The following KCNQ5 variants were observed in gnomAD, a reference collection of about 807,000 sequenced individuals.
KCNQ5 encodes potassium voltage-gated channel subfamily KQT member 5.
In KCNQ5, 30 loss-of-function variants were observed where a neutral mutation model predicts 98.2. The ratio of observed to expected loss-of-function variants is 0.31; its 90% CI spans 0.23 to 0.41. KCNQ5 has a LOEUF of 0.41. Ranked by LOEUF, KCNQ5 falls within the 10% of genes least tolerant of loss-of-function variation. The pLI is 1.00. For missense variants in KCNQ5, 835 were observed against 1,182.5 expected (o/e 0.71, Z 4.31); for synonymous variants, 458 against 449.4 (o/e 1.02, Z -0.24).
intron 5 of KCNQ5, among the ~76,000 whole-genome samples, chr6:73,102,814 T>A (rs1774843188): frequency 6.6e-6 from 1 of 152,028 alleles, no homozygotes; most frequent in African/African-American, 2.4e-5. Flanking sequence ...CTGGCAAGGA[T>A]TTGGAGAAAA....
At chr6:72,857,278 T>G (rs1375547574) in intron 1 of KCNQ5, among the ~76,000 whole-genome samples, 1 of 152,254 alleles carries the variant, frequency 6.6e-6, no homozygotes, top group Non-Finnish European at 1.5e-5. Context: ...TTATTCTTTT[T>G]TTTCATTTCC....
At chr6:72,756,726 T>G (rs1771989336) in intron 1 of KCNQ5, among the ~76,000 whole-genome samples, 1 of 152,034 alleles carries the variant, frequency 6.6e-6, no homozygotes, top group South Asian at 2.1e-4. Flanking sequence ...TAAATTTCTA[T>G]TTATTACATT....
chr6:72,959,079 A>G (rs1159272783), intron 1 of KCNQ5, among the ~76,000 whole-genome samples: 1 of 152,222 alleles, frequency 6.6e-6, no homozygotes, highest in Non-Finnish European at 1.5e-5. Context: ...TCTCGAAAAT[A>G]TGAACTTTAA....
intron 1 of KCNQ5, among the ~76,000 whole-genome samples, chr6:72,907,344 A>G (rs763190772): frequency 4.6e-5 from 7 of 152,310 alleles, no homozygotes; most frequent in Admixed American, 1.3e-4. Context: ...ATAAAAGTCC[A>G]TCTTCAAATT....
At chr6:72,764,608 A>G (rs1772470145) in intron 1 of KCNQ5, among the ~76,000 whole-genome samples, 1 of 152,024 alleles carries the variant, frequency 6.6e-6, no homozygotes, top group South Asian at 2.1e-4. Context: ...ATTGGGTTGC[A>G]AACAATCCAG....
intron 1 of KCNQ5, among the ~76,000 whole-genome samples, chr6:72,623,144 C>T (rs1421305243): frequency 2.0e-5 from 3 of 152,146 alleles, no homozygotes; most frequent in South Asian, 2.1e-4. Context: ...CGCCACCACC[C>T]AGCCACCACC....
chr6:72,844,580 C>T (rs1222223984), intron 1 of KCNQ5, among the ~76,000 whole-genome samples: 1 of 152,156 alleles, frequency 6.6e-6, no homozygotes, highest in East Asian at 1.9e-4. Context: ...GTAATGCATA[C>T]CCAAACTTAA....
At position 72,707,994 on chromosome 6, in the gene KCNQ5, G is replaced by A. The variant is rs149060439; in HGVS notation, c.398+85407G>A. ...CCACTGCCTCAAGCCAGAATGTCTT[G>A]ATGAAATCTGAATTAAAAAGATTTT... On this transcript the variant is annotated intron_variant, in intron 1 of 13. Coordinates refer to ENST00000370398, the MANE Select transcript of KCNQ5 (RefSeq NM_019842.4). Among the ~76,000 whole-genome samples, 232 of 152,238 alleles carry A rather than the reference G, an allele frequency of 1.5e-3. 1 individual carries two copies. Among genetic ancestry groups the A allele is most frequent in the African/African-American group, 5.1e-3 (211 of 41,562 alleles).
chr6:73,142,232 AG>A (rs1281453029), intron 10 of KCNQ5, among the ~76,000 whole-genome samples: 91 of 149,032 alleles, frequency 6.1e-4, no homozygotes, highest in African/African-American at 2.1e-3. Context: ...AACCCTGTAC[AG>A]TGTAGGCAGG....
At chr6:72,831,306 A>G (rs1220548300) in intron 1 of KCNQ5, among the ~76,000 whole-genome samples, 3 of 152,220 alleles carry the variant, frequency 2.0e-5, no homozygotes, top group Admixed American at 1.3e-4. Context: ...ACTATTCACA[A>G]TAGCAAAGAC....
At chr6:73,187,763 A>G (rs1765431357) in intron 11 of KCNQ5, among the ~76,000 whole-genome samples, 1 of 152,242 alleles carries the variant, frequency 6.6e-6, no homozygotes, top group Non-Finnish European at 1.5e-5. Context: ...GTAAGTAAAA[A>G]TGAAATTATT....
At chr6:72,626,126 A>G (rs1163610887) in intron 1 of KCNQ5, among the ~76,000 whole-genome samples, 1 of 152,262 alleles carries the variant, frequency 6.6e-6, no homozygotes. Context: ...GAAGGAAAAG[A>G]CGCCAGCAAG....
intron 1 of KCNQ5, among the ~76,000 whole-genome samples, chr6:72,634,691 G>A (rs11968093): frequency 0.013 from 1,929 of 151,976 alleles, 48 homozygotes; most frequent in African/African-American, 0.044. Context: ...TCAGCCTCCC[G>A]AGTAGCTGGG....
At chr6:72,658,043 G>A (rs189199485) in intron 1 of KCNQ5, among the ~76,000 whole-genome samples, 161 of 152,292 alleles carry the variant, frequency 1.1e-3, no homozygotes, top group Middle Eastern at 6.8e-3. Context: ...AGGCCAGGAA[G>A]TATGATGGGC....
chr6:72,888,127 A>G (rs1778919011), intron 1 of KCNQ5, among the ~76,000 whole-genome samples: 1 of 152,188 alleles, frequency 6.6e-6, no homozygotes, highest in African/African-American at 2.4e-5. Flanking sequence ...CGGTTAATAC[A>G]TAAAGTAAAA....
chr6:72,666,246 T>G (rs552038182), intron 1 of KCNQ5, among the ~76,000 whole-genome samples: 81 of 152,296 alleles, frequency 5.3e-4, no homozygotes, highest in Non-Finnish European at 9.3e-4. Flanking sequence ...CATCACGATA[T>G]TAAAAAGGAC....
chr6:73,085,916 G>A (rs776965316), intron 5 of KCNQ5, among the ~76,000 whole-genome samples: 10 of 152,122 alleles, frequency 6.6e-5, no homozygotes, highest in African/African-American at 9.7e-5. Context: ...AACCATGAAA[G>A]TTCTTCTTCA....
At position 73,063,667 on chromosome 6, in the gene KCNQ5, TGATA is replaced by T. The variant is rs1554203587; in HGVS notation, c.617-13639_617-13636del. Reference sequence around the variant, plus strand: ...TACAGATAGATGATAGATAGATAGATGATAGATAGATAGATAGATGATAGATAGA... The same window carrying T: ...TACAGATAGATGATAGATAGATAGATGATAGATAGATAGATGATAGATAGA... On this transcript the variant is annotated intron_variant, in intron 3 of 13. Coordinates refer to ENST00000370398, the MANE Select transcript of KCNQ5 (RefSeq NM_019842.4). Among the ~76,000 whole-genome samples, 427 of 64,470 alleles carry T rather than the reference TGATA, an allele frequency of 6.6e-3. 7 individuals are homozygous for T. Among genetic ancestry groups the T allele is most frequent in the African/African-American group, 0.019 (407 of 20,890 alleles). 42.3% of individuals were successfully genotyped at this position (64,470 alleles called of 152,430 possible). A position where few individuals can be genotyped will look rare whatever the true frequency, so the allele number is the denominator to read the frequency against.
At chr6:73,063,018 A>C (rs938940777) in intron 3 of KCNQ5, among the ~76,000 whole-genome samples, 6 of 152,160 alleles carry the variant, frequency 3.9e-5, no homozygotes, top group Admixed American at 3.9e-4. Context: ...ACAATGTCAA[A>C]ATGTGCACAT....
Sources: gnomAD v4.1 joint callset for allele counts (sites outside exome capture counted in the v4.1 genomes callset) on GRCh38, gnomAD v4.1.1 for gene constraint, MANE v1.5 for transcripts, NCBI Gene and HGNC (gene_info 2026-07-23, HGNC 2026-07-21) for gene names.